LUC7L: variants seen among roughly 807,000 people sequenced by gnomAD.
LUC7L encodes the protein LUC7 like, also known as putative RNA-binding protein Luc7-like 1.
In LUC7L, 29 loss-of-function variants were observed where a neutral mutation model predicts 51.1. The observed-to-expected ratio is 0.57, with a 90% confidence interval of 0.42 to 0.77. LUC7L has a LOEUF of 0.77. Among genes scored for constraint, LUC7L ranks in the 30% least tolerant of loss-of-function variants. LUC7L has a pLI of 0.00. For synonymous variants in LUC7L, 181 were observed against 180.7 expected, an observed-to-expected ratio of 1.00 and a Z score of -0.01; for missense variants, 403 against 511.9, an observed-to-expected ratio of 0.79 and a Z score of 2.05.
At chr16:190,723 C>T (rs2048989693) in intron 7 of LUC7L, 153 bp from the exon 8 acceptor site, 1 of 672,584 alleles carries the variant, frequency 1.5e-6, no homozygotes, top group Non-Finnish European at 2.6e-6. Context: ...CTACTGAGAA[C>T]ACAAAACCTG....
intron 2 of LUC7L, among the ~76,000 whole-genome samples, chr16:226,190 G>A (rs959625083): frequency 6.6e-6 from 1 of 152,220 alleles, no homozygotes; most frequent in Non-Finnish European, 1.5e-5. Context: ...CTCAGCTTGA[G>A]AAGTTTTAAT....
In LUC7L at chr16:206,157, G is replaced by T. The variant is rs756408888; in HGVS notation, c.367-10C>A. ...CATGTACTTTTTCTGCCTGTGAGGA[G>T]AAAGAATGAGGTAAGCAGACATCTG... is the stretch of plus-strand genomic sequence containing the variant. On this transcript the variant is annotated splice_polypyrimidine_tract_variant and intron_variant, in intron 4 of 9. Transcript: ENST00000293872. 2 of 1,611,492 alleles carry T rather than the reference G, an allele frequency of 1.2e-6. No homozygotes were observed. Among genetic ancestry groups the T allele is most frequent in the South Asian group, 2.2e-5 (2 of 90,174 alleles).
chr16:217,178 A>C (rs1567188709), intron 3 of LUC7L, among the ~76,000 whole-genome samples: 1 of 151,890 alleles, frequency 6.6e-6, no homozygotes, highest in Non-Finnish European at 1.5e-5. Flanking sequence ...CACCATGCCC[A>C]GCTAATTTTT....
chr16:190,444 G>A lies in LUC7L; in HGVS notation c.806+97C>T. The A allele has an allele frequency of 3.8e-6, 5 of 1,311,172 alleles. No homozygotes were observed. The South Asian group carries it at 6.0e-5, about 16-fold the overall frequency. The allele number at this position is 1,311,172 out of a possible 1,614,324, so 81.2% of individuals were successfully genotyped here. On this transcript the variant is annotated intron_variant, in intron 8 of 9. Coordinates refer to ENST00000293872, the MANE Select transcript of LUC7L (RefSeq NM_201412.3). ...TGCCCTTCACAAGCCAGCCCTACCT[G>A]CCAGGTAACATTTGTAAAGGCATAA...
At chr16:218,207 G>A (rs1323081608) in intron 3 of LUC7L, among the ~76,000 whole-genome samples, 3 of 151,654 alleles carry the variant, frequency 2.0e-5, no homozygotes, top group Admixed American at 1.3e-4. Flanking sequence ...AAAAAAAAAG[G>A]AAGAATTTAC....
intron 3 of LUC7L, chr16:208,587 T>C (rs983341068): frequency 3.0e-5 from 31 of 1,024,930 alleles, no homozygotes; most frequent in Non-Finnish European, 3.5e-5. Context: ...GAGAGATGCA[T>C]ATGATGTACT....
At chr16:191,587 T>C (rs572545567) in intron 7 of LUC7L, among the ~76,000 whole-genome samples, 76 of 152,272 alleles carry the variant, frequency 5.0e-4, no homozygotes, top group African/African-American at 1.8e-3. Context: ...TGGCTCACGC[T>C]TGTAATCCCA....
chr16:191,866 C>T (rs554162413), intron 7 of LUC7L, among the ~76,000 whole-genome samples: 2 of 152,222 alleles, frequency 1.3e-5, no homozygotes, highest in South Asian at 2.1e-4. Context: ...AATAAACATT[C>T]GCCCTGAGTT....
intron 7 of LUC7L, among the ~76,000 whole-genome samples, chr16:191,340 C>A (rs765986250): frequency 6.6e-6 from 1 of 152,170 alleles, no homozygotes; most frequent in African/African-American, 2.4e-5. Flanking sequence ...TGCCACACAA[C>A]CAAGAGGCTG....
intron 2 of LUC7L, among the ~76,000 whole-genome samples, chr16:221,361 T>G (rs1567192106): frequency 6.6e-6 from 1 of 151,910 alleles, no homozygotes. Flanking sequence ...TATTTATGCA[T>G]CAGTCCAAGG....
chr16:195,519 G>A (rs1391359613), intron 6 of LUC7L, among the ~76,000 whole-genome samples: 2 of 152,110 alleles, frequency 1.3e-5, no homozygotes, highest in Non-Finnish European at 2.9e-5. Flanking sequence ...GAGCTCCAAG[G>A]TCCAAACAAT....
chr16:210,401 T>C (rs751513013), intron 3 of LUC7L, among the ~76,000 whole-genome samples: 4 of 152,224 alleles, frequency 2.6e-5, no homozygotes, highest in Non-Finnish European at 5.9e-5. Flanking sequence ...TGACTGCTTC[T>C]ATGCACCTGT....
intron 8 of LUC7L, 82 bp downstream of exon 8, chr16:190,459 T>C: frequency 7.0e-7 from 1 of 1,419,082 alleles, no homozygotes; most frequent in Non-Finnish European, 1.0e-6. Flanking sequence ...GTAACATTTG[T>C]AAAGGCATAA....
chr16:207,423 T>C (rs770665113), intron 4 of LUC7L, among the ~76,000 whole-genome samples: 1 of 152,162 alleles, frequency 6.6e-6, no homozygotes, highest in African/African-American at 2.4e-5. Flanking sequence ...GGTTTCTTCA[T>C]GTTGCTCAGG....
chr16:216,976 G>A (rs942612985), intron 3 of LUC7L, among the ~76,000 whole-genome samples: 4 of 151,998 alleles, frequency 2.6e-5, no homozygotes, highest in African/African-American at 9.7e-5. Flanking sequence ...GATTACAGGC[G>A]TGAGCCACCA....
chr16:193,434 C>T (rs943278192), intron 6 of LUC7L, among the ~76,000 whole-genome samples: 2 of 150,890 alleles, frequency 1.3e-5, no homozygotes, highest in East Asian at 2.0e-4. Flanking sequence ...CATGAGCCAC[C>T]GCGCCCGGCC....
chr16:191,643 G>C (rs938092268), intron 7 of LUC7L, among the ~76,000 whole-genome samples: 1 of 152,108 alleles, frequency 6.6e-6, no homozygotes, highest in Non-Finnish European at 1.5e-5. Flanking sequence ...TCAACAGATC[G>C]AGACCAGCCT....
At chr16:189,621 A>G in intron 9 of LUC7L, 2 of 1,328,910 alleles carry the variant, frequency 1.5e-6, no homozygotes, top group Non-Finnish European at 1.9e-6. Flanking sequence ...GACACTACGT[A>G]AAAACACAAT....
At chr16:192,501 A>ATTT (rs2049035790) in intron 7 of LUC7L, among the ~76,000 whole-genome samples, 1 of 101,930 alleles carries the variant, frequency 9.8e-6, no homozygotes, top group South Asian at 3.0e-4. Flanking sequence ...TATGCTGTTT[A>ATTT]CTTTTTTTTT....
Sources: gnomAD v4.1 joint callset for allele counts (sites outside exome capture counted in the v4.1 genomes callset) on GRCh38, gnomAD v4.1.1 for gene constraint, MANE v1.5 for transcripts, NCBI Gene and HGNC (gene_info 2026-07-23, HGNC 2026-07-21) for gene names.